RASAL2: variants seen among roughly 807,000 people sequenced by gnomAD.
The protein encoded by RASAL2 is RAS protein activator like 2.
A neutral mutation model predicts 128.9 loss-of-function variants in RASAL2; 58 were observed. That is an observed-to-expected ratio of 0.45 (90% CI 0.36 to 0.56). The LOEUF is 0.56. Ranked by LOEUF, RASAL2 falls within the 20% of genes least tolerant of loss-of-function variation. The probability of loss-of-function intolerance (pLI) is 0.00; values close to 1 mark genes in which losing one functional copy is unlikely to be tolerated. For missense variants in RASAL2, 1,360 were observed against 1,601.6 expected (o/e 0.85, Z 2.57); for synonymous variants, 561 against 580.8 (o/e 0.97, Z 0.49).
chr1:178,378,572 G>A (rs1672117800), intron 3 of RASAL2, among the ~76,000 whole-genome samples: 1 of 152,070 alleles, frequency 6.6e-6, no homozygotes, highest in African/African-American at 2.4e-5. Flanking sequence ...AAATTTCAAA[G>A]TTATACGGAT....
At chr1:178,390,967 C>A (rs996832789) in intron 4 of RASAL2, among the ~76,000 whole-genome samples, 1 of 152,056 alleles carries the variant, frequency 6.6e-6, no homozygotes, top group African/African-American at 2.4e-5. Flanking sequence ...ACTAAATTCA[C>A]AGAGAATTAG....
At position 178,442,834 on chromosome 1, in the gene RASAL2, C is replaced by T; in HGVS notation, c.1087C>T (p.His363Tyr). ...TKADNIFWGE[H>Y]FEFFSLPPLH... ...AGCAGACAATATTTTCTGGGGCGAACATTTTGAATTCTTCAGCCTTCCACC... is the reference window on the plus strand; with the variant it reads ...AGCAGACAATATTTTCTGGGGCGAATATTTTGAATTCTTCAGCCTTCCACC... Residue 363 changes from histidine to tyrosine, a missense_variant, in exon 8 of 18, where the codon CAT (histidine) becomes TAT (tyrosine). By Grantham distance (83) the His-to-Tyr change is moderately conservative. Coordinates refer to ENST00000367649, the MANE Select transcript of RASAL2 (RefSeq NM_170692.4). 1 of 1,613,940 alleles carries T rather than the reference C, an allele frequency of 6.2e-7. No homozygotes were observed. Among genetic ancestry groups the T allele is most frequent in the Non-Finnish European group, 8.5e-7 (1 of 1,179,950 alleles).
intron 1 of RASAL2, among the ~76,000 whole-genome samples, chr1:178,230,156 G>A (rs1444981417): frequency 1.3e-5 from 2 of 152,070 alleles, no homozygotes; most frequent in Non-Finnish European, 2.9e-5. Flanking sequence ...TTATGGCTGA[G>A]TAGTATTCCA....
At chr1:178,254,200 C>G (rs761810341) in intron 1 of RASAL2, among the ~76,000 whole-genome samples, 25 of 152,132 alleles carry the variant, frequency 1.6e-4, no homozygotes, top group Non-Finnish European at 3.4e-4. Flanking sequence ...TCTTCCCCAT[C>G]ATTTTATTCT....
chr1:178,346,060 C>G (rs1670134967), intron 3 of RASAL2, among the ~76,000 whole-genome samples: 1 of 152,178 alleles, frequency 6.6e-6, no homozygotes, highest in Non-Finnish European at 1.5e-5. Flanking sequence ...TTATGAATCT[C>G]TATTGTACAG....
chr1:178,164,865 GTA>G (rs1475899311), intron 1 of RASAL2, among the ~76,000 whole-genome samples: 1 of 144,940 alleles, frequency 6.9e-6, no homozygotes, highest in African/African-American at 2.6e-5. Context: ...GTGTGTGTGT[GTA>G]TACAGTGGGC....
chr1:178,418,924 G>A (rs139324479), intron 4 of RASAL2, among the ~76,000 whole-genome samples: 151 of 152,288 alleles, frequency 9.9e-4, no homozygotes, highest in African/African-American at 3.4e-3. Context: ...CTTAGCCTAA[G>A]TTCCTGAGTA....
chr1:178,308,415 G>C (rs896951192), intron 3 of RASAL2, among the ~76,000 whole-genome samples: 10 of 151,900 alleles, frequency 6.6e-5, no homozygotes, highest in African/African-American at 2.4e-4. Context: ...CCAAAAACTT[G>C]AGAAAACTTT....
chr1:178,141,324 A>G lies in RASAL2; in HGVS notation c.202+46630A>G, dbSNP rs933557169. The stretch of plus-strand genomic sequence containing the variant: ...TCGAATGCCTGGGGTTTATATCCCA[A>G]TCATTGCCCCTTCCTCTGTGCTGTC... On this transcript the variant is annotated intron_variant, in intron 1 of 17. Transcript: ENST00000367649. 5.3e-5 allele frequency among the ~76,000 whole-genome samples: 8 copies of G among 150,918 alleles called. No individual in the cohort carries two copies. In the East Asian group the frequency reaches 1.6e-3, roughly 30 times the overall value.
chr1:178,305,586 G>A (rs1298169896), intron 3 of RASAL2, among the ~76,000 whole-genome samples: 1 of 152,172 alleles, frequency 6.6e-6, no homozygotes, highest in Non-Finnish European at 1.5e-5. Flanking sequence ...CTACAGGAAT[G>A]AAGTTACTAT....
chr1:178,467,460 T>C, intron 17 of RASAL2, 39 bp downstream of exon 17: 1 of 1,548,210 alleles, frequency 6.5e-7, no homozygotes, highest in East Asian at 2.2e-5. Context: ...CACTTGTTTA[T>C]AGTAACGATT....
At chr1:178,381,506 T>G (rs1672285120) in intron 3 of RASAL2, among the ~76,000 whole-genome samples, 1 of 152,226 alleles carries the variant, frequency 6.6e-6, no homozygotes, top group Admixed American at 6.5e-5. Context: ...TAAATGATTT[T>G]GTTTTTGTAC....
At chr1:178,160,207 T>C (rs1211963859) in intron 1 of RASAL2, among the ~76,000 whole-genome samples, 1 of 146,000 alleles carries the variant, frequency 6.8e-6, no homozygotes, top group African/African-American at 2.8e-5. Flanking sequence ...GAAACATCAT[T>C]ACTTAATAAA....
At chr1:178,420,445 G>A (rs745545653) in intron 4 of RASAL2, 66 bp from the exon 5 acceptor site, 12 of 988,422 alleles carry the variant, frequency 1.2e-5, no homozygotes, top group Non-Finnish European at 1.8e-5. Context: ...CTTTTGCAGA[G>A]ATAGTGTGGA....
chr1:178,372,260 G>T, intron 3 of RASAL2: 1 of 985,298 alleles, frequency 1.0e-6, no homozygotes, highest in Non-Finnish European at 1.2e-6. Flanking sequence ...CTTTCCCCCG[G>T]TGATGTGGCG....
chr1:178,333,731 A>C (rs750641617), intron 3 of RASAL2, among the ~76,000 whole-genome samples: 1 of 152,254 alleles, frequency 6.6e-6, no homozygotes, highest in Non-Finnish European at 1.5e-5. Flanking sequence ...GTGTATAATC[A>C]TAATAGTAAA....
Position 178,458,527 on chromosome 1 carries a change from A to C in RASAL2, c.3235A>C (p.Arg1079=), listed in dbSNP as rs767569891. The C allele has an allele frequency of 6.2e-7, 1 of 1,610,800 alleles. No homozygotes were observed. Among genetic ancestry groups the C allele is most frequent in the South Asian group, 1.1e-5 (1 of 90,460 alleles). The change falls in exon 14 of 18, where the codon AGA becomes CGA. Residue 1079 remains arginine (R), a synonymous_variant. Coordinates refer to ENST00000367649, the MANE Select transcript of RASAL2 (RefSeq NM_170692.4). ...SPVPKVRAIQ[R]QQTQQVQSPV... The stretch of plus-strand genomic sequence containing the variant: ...TGTTCCCAAAGTTAGAGCAATCCAG[A>C]GACAACAGACACAGCAGGTAGGTGT...
Position 178,458,137 on chromosome 1 carries a change from A to C in RASAL2, c.2845A>C (p.Ser949Arg). 3 of 1,614,226 alleles carry C rather than the reference A, an allele frequency of 1.9e-6. No individual in the cohort carries two copies. Among genetic ancestry groups the C allele is most frequent in the Non-Finnish European group, 2.5e-6 (3 of 1,180,040 alleles). ...TATAGATTCCAGTTTGGAGAACCTA[A>C]GCACTGCCAGTTCCAGAAGCCAAAG... Reference protein sequence around the residue: ...ASIDSSLENLSTASSRSQSNS... With the variant: ...ASIDSSLENLRTASSRSQSNS... Residue 949 changes from serine to arginine, a missense_variant, in exon 14 of 18, where the codon AGC (serine) becomes CGC (arginine). By Grantham distance (110) the Ser-to-Arg change is moderately radical. Around this residue, in one of 3 missense-constraint regions of RASAL2, gnomAD observed 741 missense variants for 868.6 expected, o/e 0.85. Coordinates refer to ENST00000367649, the MANE Select transcript of RASAL2 (RefSeq NM_170692.4).
chr1:178,431,038 C>T (rs906887160), intron 5 of RASAL2, among the ~76,000 whole-genome samples: 4 of 151,648 alleles, frequency 2.6e-5, no homozygotes, highest in Admixed American at 6.6e-5. Context: ...AAGCTGACTC[C>T]GTACTGTACT....
Sources: gnomAD v4.1 joint callset for allele counts (sites outside exome capture counted in the v4.1 genomes callset) on GRCh38, gnomAD v4.1.1 for gene constraint, gnomAD v4.1.1 regional missense constraint, MANE v1.5 for transcripts, NCBI Gene and HGNC (gene_info 2026-07-23, HGNC 2026-07-21) for gene names.